MYLK4: variants seen among roughly 807,000 people sequenced by gnomAD.
The protein encoded by MYLK4 is caMLCK like.
In MYLK4, 46 loss-of-function variants were observed where a neutral mutation model predicts 48.1. The ratio of observed to expected loss-of-function variants is 0.96; its 90% CI spans 0.75 to 1.22. The LOEUF is 1.22. Among genes scored for constraint, MYLK4 ranks in the 50% most tolerant of loss-of-function variants. The pLI is 0.00. For missense variants in MYLK4, 451 were observed against 486.1 expected (o/e 0.93, Z 0.68); for synonymous variants, 170 against 180.8 (o/e 0.94, Z 0.48).
intron 2 of MYLK4, among the ~76,000 whole-genome samples, chr6:2,723,902 G>A (rs940736780): frequency 1.3e-5 from 2 of 151,686 alleles, no homozygotes; most frequent in Admixed American, 6.6e-5. Flanking sequence ...TTTGAGACAG[G>A]GTCTCACTCT....
At chr6:2,764,977 A>C in the MYLK4 span, among the ~76,000 whole-genome samples, 10 of 152,218 alleles carry the variant, frequency 6.6e-5, no homozygotes, top group East Asian at 1.9e-3. Flanking sequence ...TTTCGTTACA[A>C]ACGACCCGCT....
chr6:2,768,780 T>G, the MYLK4 span: 3 of 1,614,020 alleles, frequency 1.9e-6, no homozygotes, highest in Non-Finnish European at 2.5e-6. Context: ...AGACAAATGA[T>G]GTGCGAGATG....
intron 11 of MYLK4, among the ~76,000 whole-genome samples, chr6:2,674,174 G>C (rs1169446832): frequency 6.6e-6 from 1 of 152,238 alleles, no homozygotes; most frequent in Non-Finnish European, 1.5e-5. Context: ...GGCAATGAGA[G>C]TAGGTGAAGA....
intron 2 of MYLK4, among the ~76,000 whole-genome samples, chr6:2,743,480 G>A (rs568584661): frequency 6.6e-6 from 1 of 152,188 alleles, no homozygotes; most frequent in Admixed American, 6.5e-5. Flanking sequence ...CAGCTCAAAG[G>A]AGAAAGCAGA....
At chr6:2,740,005 G>C (rs1763836318) in intron 2 of MYLK4, among the ~76,000 whole-genome samples, 1 of 152,230 alleles carries the variant, frequency 6.6e-6, no homozygotes, top group South Asian at 2.1e-4. Context: ...CAGTGATTCA[G>C]CTTGAACAGG....
At chr6:2,764,926 G>A in the MYLK4 span, among the ~76,000 whole-genome samples, 3 of 152,172 alleles carry the variant, frequency 2.0e-5, no homozygotes, top group African/African-American at 7.2e-5. Flanking sequence ...TAGAACACTG[G>A]TTTTCTATTG....
At chr6:2,758,480 A>G in the MYLK4 span, among the ~76,000 whole-genome samples, 1 of 151,878 alleles carries the variant, frequency 6.6e-6, no homozygotes, top group Non-Finnish European at 1.5e-5. Context: ...ATTGAAAGAT[A>G]TACATATGGA....
Position 2,726,104 on chromosome 6 carries a change from C to T in MYLK4, c.159+23032G>A, listed in dbSNP as rs542098089. 1.1e-4 allele frequency among the ~76,000 whole-genome samples: 16 copies of T among 152,270 alleles called. No individual in the cohort carries two copies. The South Asian group carries it at 2.1e-3, about 20-fold the overall frequency. ...GTCCCTTTGTCTGGCTGACTTCTCT[C>T]GTTATCAGTTGCAAACATCTCATGG... On this transcript the variant is annotated intron_variant, in intron 2 of 12. Coordinates refer to ENST00000274643, the MANE Select transcript of MYLK4 (RefSeq NM_001012418.5).
rs897293052 is a variant in MYLK4 at position 2,673,629 on chromosome 6, G to T, written c.1119+1418C>A. Among the ~76,000 whole-genome samples, 1 of 152,198 alleles carries T rather than the reference G, an allele frequency of 6.6e-6. No individual in the cohort carries two copies. The highest frequency in any genetic ancestry group is 2.4e-5 in the African/African-American group (1 of 41,446). On this transcript the variant is annotated intron_variant, in intron 11 of 12. Coordinates refer to ENST00000274643, the MANE Select transcript of MYLK4 (RefSeq NM_001012418.5). The surrounding 1 kb of genome is among the most constrained non-coding windows in gnomAD (Gnocchi z 4.2). ...CAGGTCCTGGTGGGCCCAAAGGTTG[G>T]CATGGCGTCTTGCCTGTATATGCAT... is the stretch of plus-strand genomic sequence containing the variant.
chr6:2,689,246 C>A (rs1761680879), intron 3 of MYLK4, among the ~76,000 whole-genome samples: 1 of 152,084 alleles, frequency 6.6e-6, no homozygotes, highest in Non-Finnish European at 1.5e-5. Context: ...AATTTCCAAC[C>A]CAACACAGTC....
upstream of MYLK4, among the ~76,000 whole-genome samples, chr6:2,755,423 T>C (rs918913694): frequency 3.3e-5 from 5 of 152,240 alleles, no homozygotes. Context: ...GTATGTTTCT[T>C]GAGAAAAAAG....
At chr6:2,748,386 C>T (rs971598079) in intron 2 of MYLK4, among the ~76,000 whole-genome samples, 5 of 152,164 alleles carry the variant, frequency 3.3e-5, no homozygotes, top group African/African-American at 1.2e-4. Flanking sequence ...AATGAAGGCA[C>T]GGGCAAAATG....
chr6:2,709,840 G>A (rs1762613122), intron 2 of MYLK4, among the ~76,000 whole-genome samples: 1 of 152,176 alleles, frequency 6.6e-6, no homozygotes, highest in African/African-American at 2.4e-5. Flanking sequence ...AAGAGTAGGT[G>A]TTGGGAGGTG....
chr6:2,736,567 T>C (rs996470951), intron 2 of MYLK4, among the ~76,000 whole-genome samples: 1 of 152,254 alleles, frequency 6.6e-6, no homozygotes, highest in East Asian at 1.9e-4. Context: ...TAATGGGAAG[T>C]AGACTCTGAT....
At chr6:2,763,696 C>T in the MYLK4 span, among the ~76,000 whole-genome samples, 14 of 152,358 alleles carry the variant, frequency 9.2e-5, no homozygotes, top group Middle Eastern at 3.4e-3. Context: ...GGCCTTGGCC[C>T]GCCCAGGAAA....
chr6:2,665,351 G>C lies in MYLK4; in HGVS notation c.*2574C>G, dbSNP rs540858676. ...TAATCTCCCATTTCAAGTAACTCTA[G>C]ACTGTAATCATGAACTCTGCAATGC... is the stretch of plus-strand genomic sequence containing the variant. On this transcript the variant is annotated 3_prime_UTR_variant, in exon 13 of 13. Transcript: ENST00000274643. 1 of 152,184 alleles carries C rather than the reference G, an allele frequency of 6.6e-6. No individual in the cohort carries two copies. Among genetic ancestry groups the C allele is most frequent in the African/African-American group, 2.4e-5 (1 of 41,422 alleles). The allele number at this position is 152,184 out of a possible 1,614,324, so 9.4% of individuals were successfully genotyped here.
chr6:2,760,269 T>A, the MYLK4 span, among the ~76,000 whole-genome samples: 1 of 152,206 alleles, frequency 6.6e-6, no homozygotes, highest in Admixed American at 6.5e-5. Flanking sequence ...CATAGTTTTA[T>A]AAGTTTTATT....
chr6:2,758,719 A>T, the MYLK4 span, among the ~76,000 whole-genome samples: 1 of 152,138 alleles, frequency 6.6e-6, no homozygotes, highest in Non-Finnish European at 1.5e-5. Context: ...GTTTGTTTGA[A>T]TGTATTCATA....
intron 8 of MYLK4, 78 bp downstream of exon 8, chr6:2,680,143 C>A: frequency 1.4e-6 from 2 of 1,465,330 alleles, no homozygotes; most frequent in South Asian, 2.5e-5. Flanking sequence ...AAGAGCAGAT[C>A]AGATATATGT....
Sources: gnomAD v4.1 joint callset for allele counts (sites outside exome capture counted in the v4.1 genomes callset) on GRCh38, gnomAD v4.1.1 for gene constraint, Gnocchi (gnomAD v3.1) non-coding constraint, MANE v1.5 for transcripts, NCBI Gene and HGNC (gene_info 2026-07-23, HGNC 2026-07-21) for gene names.